Variants in RAB40A observed in about 807,000 individuals in gnomAD.
RAB40A encodes the protein RAB40A, member RAS oncogene family.
For synonymous variants in RAB40A, 65 were observed against 99.9 expected (o/e 0.65, Z 2.08); for missense variants, 145 against 230.2 (o/e 0.63, Z 2.40).
At chrX:103,495,072 G>A (rs1028872569), downstream of RAB40A, among the ~76,000 whole-genome samples, 7 of 111,487 alleles carry the variant, frequency 6.3e-5, no homozygotes, top group Non-Finnish European at 5.7e-5. Flanking sequence ...ATTTTTTGGC[G>A]TCATCTTCAA....
In RAB40A at chrX:103,517,867, G is replaced by A. The variant is rs185635542; in HGVS notation, c.-222-342C>T. Among the ~76,000 whole-genome samples, 4 of 111,920 alleles carry A rather than the reference G, an allele frequency of 3.6e-5. No individual in the cohort carries two copies. In the East Asian group the frequency reaches 1.1e-3, roughly 31 times the overall value. On this transcript the variant is annotated intron_variant, in intron 1 of 2. Coordinates refer to ENST00000304236, the MANE Select transcript of RAB40A (RefSeq NM_080879.3). ...TTTCAATGCCGGTATAACAAGCAAG[G>A]AAGATTCCCTCTCTCTGCTGCTATG...
intron 1 of RAB40A, among the ~76,000 whole-genome samples, chrX:103,518,948 A>C (rs911835409): frequency 8.0e-5 from 9 of 111,917 alleles, no homozygotes; most frequent in African/African-American, 1.9e-4. Flanking sequence ...AGAACTAAGC[A>C]ACAATCCTTA....
chrX:103,500,000 G>T lies in RAB40A; in HGVS notation c.757C>A (p.Leu253Ile), dbSNP rs1197202899. The T allele has an allele frequency of 2.5e-6, 3 of 1,208,780 alleles. No homozygotes were observed. The highest frequency in any genetic ancestry group is 3.4e-6 in the Non-Finnish European group (3 of 892,590). The change falls in exon 3 of 3, where the codon CTC (leucine) becomes ATC (isoleucine). Residue 253 changes from leucine to isoleucine, a missense_variant. Physicochemically the swap from Leu to Ile is conservative, Grantham distance 5. Coordinates refer to ENST00000304236, the MANE Select transcript of RAB40A (RefSeq NM_080879.3). ...GGGCAGACGATCTCCACTTTGCAGA[G>T]GCTGCTCTTGTGAGTGGAGCTGGTG... ...LTTSSTHKSS[L>I]CKVEIVCPPQ...
rs955090586 is a variant in RAB40A at position 103,499,858 on chromosome X, A to C, written c.*65T>G. 24 of 1,160,961 alleles carry C rather than the reference A, an allele frequency of 2.1e-5. No individual in the cohort carries two copies. The East Asian group carries it at 2.1e-4, about 10-fold the overall frequency. On this transcript the variant is annotated 3_prime_UTR_variant, in exon 3 of 3. Transcript: ENST00000304236. ...TTCTTGAATCTACAATGCGACTTCC[A>C]TCTTCCAGGTGTAACCAGAGTTTTT... is the stretch of plus-strand genomic sequence containing the variant.
chrX:103,502,765 A>C, intron 2 of RAB40A: 11 of 760,502 alleles, frequency 1.4e-5, no homozygotes, highest in Non-Finnish European at 1.7e-5. Context: ...TTACCTGGGA[A>C]GGTGACTTAG....
intron 2 of RAB40A, among the ~76,000 whole-genome samples, chrX:103,511,937 T>C (rs1260984279): frequency 9.0e-6 from 1 of 111,341 alleles, no homozygotes; most frequent in African/African-American, 3.3e-5. Flanking sequence ...TATAAGATAA[T>C]GAAAATGCCA....
intron 2 of RAB40A, chrX:103,503,267 A>C: frequency 5.3e-6 from 4 of 753,803 alleles, no homozygotes; most frequent in Non-Finnish European, 6.3e-6. Flanking sequence ...GACAGAGAGG[A>C]TAGAGGTCAC....
rs113570594 is a variant in RAB40A at position 103,503,572 on chromosome X, T to TAAA, written c.-70-2749_-70-2747dup. 6.0e-5 allele frequency: 31 copies of TAAA among 518,858 alleles called. No homozygotes were observed. The African/African-American group carries it at 6.5e-4, about 11-fold the overall frequency. 42.8% of individuals were successfully genotyped at this position (518,858 alleles called of 1,213,427 possible). A position where few individuals can be genotyped will look rare whatever the true frequency, so the allele number is the denominator to read the frequency against. ...TCACTCTTTGCAAAATGTCCTCCTT[T>TAAA]AAAAAAAAAAAAAATGGAGATAGCT... On this transcript the variant is annotated intron_variant, in intron 2 of 2. Transcript: ENST00000304236.
downstream of RAB40A, among the ~76,000 whole-genome samples, chrX:103,496,314 A>C (rs1043759773): frequency 1.8e-5 from 2 of 112,219 alleles, no homozygotes; most frequent in East Asian, 5.5e-4. Flanking sequence ...TCAGTATGGA[A>C]TCATGTACAC....
chrX:103,516,764 A>G (rs991505360), intron 2 of RAB40A, among the ~76,000 whole-genome samples: 1 of 111,876 alleles, frequency 8.9e-6, no homozygotes, highest in African/African-American at 3.2e-5. Flanking sequence ...TGTACTGTAC[A>G]TGCATTACAA....
chrX:103,510,845 C>G (rs1475425805), intron 2 of RAB40A, among the ~76,000 whole-genome samples: 2 of 112,236 alleles, frequency 1.8e-5, no homozygotes, highest in Non-Finnish European at 3.8e-5. Flanking sequence ...TCCTGAGACT[C>G]AGAAAGGGAG....
intron 2 of RAB40A, chrX:103,502,345 C>T (rs2036159195): frequency 8.1e-6 from 1 of 122,970 alleles, no homozygotes; most frequent in African/African-American, 3.3e-5. Flanking sequence ...AAAGACAGCA[C>T]CCTGATTGGA....
intron 2 of RAB40A, among the ~76,000 whole-genome samples, chrX:103,504,144 C>T (rs943783658): frequency 3.6e-5 from 4 of 111,103 alleles, no homozygotes; most frequent in Admixed American, 9.6e-5. Flanking sequence ...GACTCATGGA[C>T]GTAAAGATAG....
chrX:103,503,468 A>G lies in RAB40A; in HGVS notation c.-70-2642T>C, dbSNP rs373036320. 2.7e-5 allele frequency: 20 copies of G among 749,908 alleles called. 1 individual carries two copies. The African/African-American group carries it at 3.5e-4, about 13-fold the overall frequency. The allele number at this position is 749,908 out of a possible 1,213,427, so 61.8% of individuals were successfully genotyped here. A position where few individuals can be genotyped will look rare whatever the true frequency, so the allele number is the denominator to read the frequency against. The stretch of plus-strand genomic sequence containing the variant: ...GGGAAGAGATAAATCAGTGAATGCC[A>G]TGTAGATTTGGAGTCCACAGCCAAT... On this transcript the variant is annotated intron_variant, in intron 2 of 2. Transcript: ENST00000304236.
chrX:103,500,953 T>C, intron 2 of RAB40A, 127 bp from the exon 3 acceptor site: 1 of 782,043 alleles, frequency 1.3e-6, no homozygotes, highest in Non-Finnish European at 1.8e-6. Flanking sequence ...GCGATTGTTT[T>C]CCTTTTTCTT....
rs756404451 is a variant in RAB40A at position 103,503,530 on chromosome X, A to C, written c.-70-2704T>G. Reference sequence around the variant, plus strand: ...AATATACGTATATTTTTCAAACAGAACTGGCATCGTAGTTTGTCACTCTTT... The same window carrying C: ...AATATACGTATATTTTTCAAACAGACCTGGCATCGTAGTTTGTCACTCTTT... On this transcript the variant is annotated intron_variant, in intron 2 of 2. Coordinates refer to ENST00000304236, the MANE Select transcript of RAB40A (RefSeq NM_080879.3). The C allele has an allele frequency of 1.2e-5, 9 of 745,037 alleles. No homozygotes were observed. The South Asian group carries it at 5.6e-4, about 46-fold the overall frequency. 61.4% of individuals were successfully genotyped at this position (745,037 alleles called of 1,213,427 possible).
At chrX:103,505,868 T>C (rs1001526411) in intron 2 of RAB40A, among the ~76,000 whole-genome samples, 3 of 111,973 alleles carry the variant, frequency 2.7e-5, no homozygotes, top group African/African-American at 9.7e-5. Flanking sequence ...TCCATTGTTA[T>C]AGGTTATTCT....
In RAB40A at chrX:103,499,707, A is replaced by G. The variant is rs1288352396; in HGVS notation, c.*216T>C. On this transcript the variant is annotated 3_prime_UTR_variant, in exon 3 of 3. Transcript: ENST00000304236. ...ATTTCCCCTTTATAAACACACGTTT[A>G]AAACAAGAGCTTCATGCACATCCAA... 8 of 472,778 alleles carry G rather than the reference A, an allele frequency of 1.7e-5. No individual in the cohort carries two copies. Among genetic ancestry groups the G allele is most frequent in the Non-Finnish European group, 2.9e-5 (8 of 271,668 alleles). The allele number at this position is 472,778 out of a possible 1,213,427, so 39.0% of individuals were successfully genotyped here.
In RAB40A at chrX:103,500,758, G is replaced by T. The variant is rs1473513586; in HGVS notation, c.-2C>A. On this transcript the variant is annotated 5_prime_UTR_variant, in exon 3 of 3. Transcript: ENST00000304236. ...GTCGGGGCTGCCCGGGGCGCTCATG[G>T]TGCTGGCCCCGCACTCCCGCCTGAG... 8.3e-7 allele frequency: 1 copy of T among 1,208,085 alleles called. No individual in the cohort carries two copies. The highest frequency in any genetic ancestry group is 1.8e-5 in the South Asian group (1 of 56,165).
Sources: gnomAD v4.1 joint callset for allele counts (sites outside exome capture counted in the v4.1 genomes callset) on GRCh38, gnomAD v4.1.1 for gene constraint, MANE v1.5 for transcripts, NCBI Gene and HGNC (gene_info 2026-07-23, HGNC 2026-07-21) for gene names.